The following PTBP3 variants were observed in gnomAD, a reference collection of about 807,000 sequenced individuals.
PTBP3 encodes the protein polypyrimidine tract binding protein 3, also known as polypyrimidine tract-binding protein 3.
PTBP3 carries 20 observed loss-of-function variants against 58.7 expected under a neutral mutation model. The observed-to-expected ratio is 0.34, with a 90% CI of 0.24 to 0.50. The LOEUF is 0.50. Ranked by LOEUF, PTBP3 falls within the 20% of genes least tolerant of loss-of-function variation. PTBP3 has a pLI of 0.98. For synonymous variants in PTBP3, 185 were observed against 219.8 expected (o/e 0.84, Z 1.40); for missense variants, 509 against 637.2 (o/e 0.80, Z 2.17).
the PTBP3 span, among the ~76,000 whole-genome samples, chr9:112,378,956 G>C: frequency 6.6e-6 from 1 of 152,224 alleles, no homozygotes; most frequent in Non-Finnish European, 1.5e-5. Flanking sequence ...GAAGGCCGAG[G>C]CGGGCCAATC....
chr9:112,322,426 CA>C (rs1338706645), intron 1 of PTBP3, among the ~76,000 whole-genome samples: 1 of 152,106 alleles, frequency 6.6e-6, no homozygotes, highest in African/African-American at 2.4e-5. Flanking sequence ...TGATATTAAT[CA>C]AAAGGCTATG....
At chr9:112,325,404 G>A (rs1271538493) in intron 1 of PTBP3, among the ~76,000 whole-genome samples, 1 of 152,126 alleles carries the variant, frequency 6.6e-6, no homozygotes, top group Non-Finnish European at 1.5e-5. Flanking sequence ...TATTCAACCT[G>A]AGGTGGAAGC....
intron 1 of PTBP3, among the ~76,000 whole-genome samples, chr9:112,316,319 C>CT (rs1252647977): frequency 6.6e-6 from 1 of 152,170 alleles, no homozygotes; most frequent in Non-Finnish European, 1.5e-5. Flanking sequence ...TTTCAAAAGA[C>CT]TTTTACCTCA....
chr9:112,339,267 C>A, the PTBP3 span, among the ~76,000 whole-genome samples: 1 of 124,514 alleles, frequency 8.0e-6, no homozygotes, highest in Non-Finnish European at 1.6e-5. Context: ...CTCCAGTCTG[C>A]CTGACACAGC....
chr9:112,228,279 C>T, intron 11 of PTBP3, 101 bp downstream of exon 11: 1 of 770,028 alleles, frequency 1.3e-6, no homozygotes, highest in Non-Finnish European at 2.0e-6. Flanking sequence ...AGGAGGTGTT[C>T]TTTTGTAAAA....
At chr9:112,351,900 C>T in the PTBP3 span, among the ~76,000 whole-genome samples, 5 of 151,518 alleles carry the variant, frequency 3.3e-5, no homozygotes, top group Admixed American at 3.3e-4. Context: ...TCATCATGTA[C>T]ATTTACTACC....
intron 2 of PTBP3, among the ~76,000 whole-genome samples, chr9:112,283,529 G>T (rs1029081150): frequency 2.0e-5 from 3 of 152,180 alleles, no homozygotes; most frequent in African/African-American, 7.2e-5. Context: ...TCTGGCAGAA[G>T]AAATTTCTAA....
the PTBP3 span, among the ~76,000 whole-genome samples, chr9:112,369,714 GA>G: frequency 2.0e-5 from 3 of 152,172 alleles, no homozygotes; most frequent in Non-Finnish European, 4.4e-5. Flanking sequence ...GGACTGTTGG[GA>G]AGGCATGATT....
In PTBP3 at chr9:112,333,599, G is replaced by C. The variant is rs1053640587; in HGVS notation, c.-181C>G. 2.5e-6 allele frequency: 3 copies of C among 1,209,822 alleles called. No individual in the cohort carries two copies. Among genetic ancestry groups the C allele is most frequent in the East Asian group, 5.6e-5 (2 of 35,942 alleles). The allele number at this position is 1,209,822 out of a possible 1,614,324, so 74.9% of individuals were successfully genotyped here. ...GCTTTGGCTCTGCGGAGCCCCGGCC[G>C]GTCCGAGGTGGAAGGAGAGTGGGAA... On this transcript the variant is annotated 5_prime_UTR_variant, in exon 1 of 14. Coordinates refer to ENST00000374257, the MANE Select transcript of PTBP3 (RefSeq NM_001163788.4).
At chr9:112,353,251 C>G in the PTBP3 span, among the ~76,000 whole-genome samples, 1 of 151,860 alleles carries the variant, frequency 6.6e-6, no homozygotes, top group Admixed American at 6.6e-5. Context: ...CATGGATTCT[C>G]TCCTTTCACC....
chr9:112,307,377 C>A (rs1829265839), intron 1 of PTBP3, among the ~76,000 whole-genome samples: 1 of 152,052 alleles, frequency 6.6e-6, no homozygotes, highest in African/African-American at 2.4e-5. Flanking sequence ...TTGATTGAGC[C>A]AGGAGGTCGA....
intron 1 of PTBP3, among the ~76,000 whole-genome samples, chr9:112,319,648 A>G (rs951604363): frequency 1.3e-5 from 2 of 152,240 alleles, no homozygotes; most frequent in African/African-American, 4.8e-5. Context: ...TACAACTACC[A>G]TATGATCCAG....
At chr9:112,272,064 C>G (rs947507556) in intron 3 of PTBP3, among the ~76,000 whole-genome samples, 2 of 151,592 alleles carry the variant, frequency 1.3e-5, no homozygotes, top group Admixed American at 1.3e-4. Context: ...CCCCATCTCA[C>G]TCTTTTTATT....
At chr9:112,248,776 C>CTT (rs1357353098) in intron 7 of PTBP3, among the ~76,000 whole-genome samples, 9 of 152,168 alleles carry the variant, frequency 5.9e-5, no homozygotes, top group Admixed American at 2.0e-4. Context: ...CAATTCCTTT[C>CTT]CTATGTACTT....
intron 1 of PTBP3, among the ~76,000 whole-genome samples, chr9:112,301,164 T>C (rs1247882469): frequency 6.6e-6 from 1 of 151,360 alleles, no homozygotes; most frequent in Non-Finnish European, 1.5e-5. Context: ...AGATCAACAA[T>C]AAAAAAAGAC....
intron 2 of PTBP3, among the ~76,000 whole-genome samples, chr9:112,291,166 G>A (rs974980221): frequency 6.6e-6 from 1 of 151,918 alleles, no homozygotes; most frequent in African/African-American, 2.4e-5. Context: ...AGGTTGCAGT[G>A]AGCCAAGATT....
chr9:112,309,595 G>A (rs1365185073), intron 1 of PTBP3, among the ~76,000 whole-genome samples: 1 of 152,068 alleles, frequency 6.6e-6, no homozygotes, highest in African/African-American at 2.4e-5. Flanking sequence ...AGACCAGTCT[G>A]GCCAACATGA....
At chr9:112,365,142 T>G in the PTBP3 span, among the ~76,000 whole-genome samples, 667 of 147,568 alleles carry the variant, frequency 4.5e-3, 7 homozygotes, top group African/African-American at 0.016. Flanking sequence ...TTAATAGTAT[T>G]TCATTGTATA....
chr9:112,324,202 C>G (rs1453789457), intron 1 of PTBP3, among the ~76,000 whole-genome samples: 18 of 151,810 alleles, frequency 1.2e-4, no homozygotes, highest in African/African-American at 4.4e-4. Flanking sequence ...CGGAGTAAAG[C>G]AGAAACACAA....
Sources: gnomAD v4.1 joint callset for allele counts (sites outside exome capture counted in the v4.1 genomes callset) on GRCh38, gnomAD v4.1.1 for gene constraint, MANE v1.5 for transcripts, NCBI Gene and HGNC (gene_info 2026-07-23, HGNC 2026-07-21) for gene names.